ZNF185: variants seen among roughly 807,000 people sequenced by gnomAD.
The protein encoded by ZNF185 is zinc finger protein 185.
ZNF185 carries 56 observed loss-of-function variants against 58.6 expected under a neutral mutation model. The ratio of observed to expected loss-of-function variants is 0.95; its 90% CI spans 0.77 to 1.19. The LOEUF (loss-of-function observed/expected upper bound fraction) is 1.19. Among genes scored for constraint, ZNF185 ranks in the 50% most tolerant of loss-of-function variants. The probability of loss-of-function intolerance (pLI) is 0.00; values close to 1 mark genes in which losing one functional copy is unlikely to be tolerated. For missense variants in ZNF185, 627 were observed against 573.5 expected (o/e 1.09, Z -0.95); for synonymous variants, 230 against 215.9 (o/e 1.07, Z -0.57).
chrX:152,961,451 C>G (rs2049460683), intron 17 of ZNF185, among the ~76,000 whole-genome samples: 1 of 112,014 alleles, frequency 8.9e-6, no homozygotes, highest in Admixed American at 9.5e-5. Context: ...TTATCACTGC[C>G]TGGAGCTGCA....
At chrX:152,901,461 A>G in the ZNF185 span, among the ~76,000 whole-genome samples, 3 of 109,373 alleles carry the variant, frequency 2.7e-5, no homozygotes, top group Non-Finnish European at 5.7e-5. Flanking sequence ...TTTACCTTGA[A>G]TTGATTTAAA....
intron 18 of ZNF185, 136 bp from the exon 21 acceptor site, chrX:152,965,311 T>G (rs2049992428): frequency 2.0e-6 from 1 of 489,701 alleles, no homozygotes. Flanking sequence ...GCCTTTATCC[T>G]GGGCCTTCCC....
At chrX:152,954,672 C>T (rs1343548991) in intron 16 of ZNF185, among the ~76,000 whole-genome samples, 2 of 112,180 alleles carry the variant, frequency 1.8e-5, no homozygotes, top group Non-Finnish European at 3.8e-5. Flanking sequence ...TGTATCTCCC[C>T]CTGTGTTGTT....
the ZNF185 span, among the ~76,000 whole-genome samples, chrX:152,900,215 C>A: frequency 3.6e-5 from 4 of 112,251 alleles, no homozygotes; most frequent in Admixed American, 3.7e-4. Context: ...AGCACTGGGC[C>A]CAGGACCTGG....
upstream of ZNF185, among the ~76,000 whole-genome samples, chrX:152,912,990 G>C (rs782367475): frequency 4.4e-5 from 5 of 112,863 alleles, no homozygotes; most frequent in Non-Finnish European, 9.4e-5. Flanking sequence ...CAGCAGGCTC[G>C]GGCTGTCTGG....
chrX:152,945,189 C>G lies in ZNF185; in HGVS notation c.1212-78C>G, dbSNP rs782134800. 9 of 1,071,023 alleles carry G rather than the reference C, an allele frequency of 8.4e-6. No individual in the cohort carries two copies. In the African/African-American group the frequency reaches 1.7e-4, roughly 20 times the overall value. 88.3% of individuals were successfully genotyped at this position (1,071,023 alleles called of 1,213,427 possible). A position where few individuals can be genotyped will look rare whatever the true frequency, so the allele number is the denominator to read the frequency against. The stretch of plus-strand genomic sequence containing the variant: ...GTCCCTCCAAGTCCACAGGAGGTGA[C>G]AGCCAGCTTGCGTCCTGGGGCTGAG... On this transcript the variant is annotated intron_variant, in intron 15 of 22. Coordinates refer to ENST00000449285, the Ensembl canonical transcript of ZNF185.
Position 152,968,814 on chromosome X carries a change from C to T in ZNF185, c.1872-568C>T, listed in dbSNP as rs143421392. On this transcript the variant is annotated intron_variant, in intron 20 of 22. Coordinates refer to ENST00000449285, the Ensembl canonical transcript of ZNF185. ...GAGGAAGAAAAGCAGAGGTGACTCT[C>T]AGAAACAGGCATCCTGGAACTGGAA... Among the ~76,000 whole-genome samples the T allele has an allele frequency of 7.1e-5, 8 of 112,725 alleles. No individual in the cohort carries two copies. The East Asian group carries it at 2.0e-3, about 28-fold the overall frequency.
chrX:152,922,724 G>C, exon 11 of ZNF185: 12 of 1,198,940 alleles, frequency 1.0e-5, no homozygotes, highest in Non-Finnish European at 1.3e-5. Context: ...TGCCAGTGCG[G>C]ATGGAGGCAG....
At chrX:152,918,075 C>G in exon 6 of ZNF185, 3 of 1,188,379 alleles carry the variant, frequency 2.5e-6, no homozygotes, top group Non-Finnish European at 3.4e-6. Context: ...TGCTGCCAGT[C>G]TGGTGAGAAC....
rs782352835 is a variant in ZNF185 at position 152,915,326 on chromosome X, G to T, written c.224+123G>T. 123 of 665,681 alleles carry T rather than the reference G, an allele frequency of 1.8e-4. No homozygotes were observed. In the South Asian group the frequency reaches 3.8e-3, roughly 21 times the overall value. 54.9% of individuals were successfully genotyped at this position (665,681 alleles called of 1,213,427 possible). ...GGACAGGGATGCAGCCCCAGCCAAGGGTCTGCAATGAGTAATTTGAAATCT... is the reference window on the plus strand; with the variant it reads ...GGACAGGGATGCAGCCCCAGCCAAGTGTCTGCAATGAGTAATTTGAAATCT... On this transcript the variant is annotated intron_variant, in intron 3 of 22. Coordinates refer to ENST00000449285, the Ensembl canonical transcript of ZNF185.
At chrX:152,922,980 G>A (rs1940074660) in intron 11 of ZNF185, among the ~76,000 whole-genome samples, 171 bp downstream of exon 12, 1 of 112,256 alleles carries the variant, frequency 8.9e-6, no homozygotes, top group South Asian at 3.7e-4. Flanking sequence ...CTTGATTTCT[G>A]ATCCCTGAGA....
At chrX:152,929,289 T>G in intron 12 of ZNF185, among the ~76,000 whole-genome samples, 1 of 108,551 alleles carries the variant, frequency 9.2e-6, no homozygotes, top group Non-Finnish European at 1.9e-5. Context: ...GGGGTGGGGG[T>G]CAGACAGCCA....
the ZNF185 span, among the ~76,000 whole-genome samples, chrX:152,899,447 C>G: frequency 1.8e-5 from 2 of 113,013 alleles, no homozygotes; most frequent in African/African-American, 6.4e-5. Context: ...CTCCGCTGTT[C>G]CCCTCATCGC....
chrX:152,914,493 A>C (rs1937943060), exon 1 of ZNF185: 1 of 1,183,250 alleles, frequency 8.5e-7, no homozygotes, highest in Non-Finnish European at 1.1e-6. Context: ...AATCACCATG[A>C]GTATCTCAGC....
chrX:152,899,155 G>A, the ZNF185 span, among the ~76,000 whole-genome samples: 9 of 112,230 alleles, frequency 8.0e-5, no homozygotes, highest in African/African-American at 1.3e-4. Context: ...TGTGAGCCCC[G>A]AGAGAGGGCC....
At chrX:152,913,870 T>G (rs1201716400), upstream of ZNF185, among the ~76,000 whole-genome samples, 1 of 111,775 alleles carries the variant, frequency 8.9e-6, no homozygotes, top group Non-Finnish European at 1.9e-5. Flanking sequence ...AGGTAGAATT[T>G]TTTTTTTAAC....
At chrX:152,958,089 T>C (rs2049038098) in intron 16 of ZNF185, among the ~76,000 whole-genome samples, 1 of 112,347 alleles carries the variant, frequency 8.9e-6, no homozygotes, top group Non-Finnish European at 1.9e-5. Flanking sequence ...TCATTTGGAA[T>C]GTTCCACTGT....
chrX:152,901,367 C>G, the ZNF185 span, among the ~76,000 whole-genome samples: 1 of 109,718 alleles, frequency 9.1e-6, no homozygotes, highest in Non-Finnish European at 1.9e-5. Context: ...ATCCTCGTGC[C>G]TCAGCCTCCC....
chrX:152,941,751 G>A, intron 15 of ZNF185: 1 of 1,165,239 alleles, frequency 8.6e-7, no homozygotes, highest in East Asian at 3.3e-5. Context: ...GGATTCTCTT[G>A]AGGCCATGCC....
Sources: allele counts gnomAD v4.1 joint callset (sites outside exome capture counted in the v4.1 genomes callset), GRCh38; gene constraint gnomAD v4.1.1; transcripts MANE v1.5; gene names NCBI Gene and HGNC (gene_info 2026-07-23, HGNC 2026-07-21).